AMD1: variants seen among roughly 807,000 people sequenced by gnomAD.
The protein encoded by AMD1 is S-adenosylmethionine decarboxylase proenzyme.
A neutral mutation model predicts 40.2 loss-of-function variants in AMD1; 11 were observed. The ratio of observed to expected loss-of-function variants is 0.27; its 90% CI spans 0.17 to 0.45. The LOEUF (loss-of-function observed/expected upper bound fraction) is 0.45. AMD1 is among the 20% of genes least tolerant of loss of function. The pLI is 1.00. For missense variants in AMD1, 257 were observed against 410.2 expected (o/e 0.63, Z 3.23); for synonymous variants, 121 against 130.8 (o/e 0.93, Z 0.51).
At chr6:110,890,930 T>A (rs1785981599) in intron 4 of AMD1, 1 of 152,234 alleles carries the variant, frequency 6.6e-6, no homozygotes. Context: ...TATTGCAAAT[T>A]ATGTATACAC....
intron 1 of AMD1, among the ~76,000 whole-genome samples, chr6:110,877,626 T>C (rs1409990947): frequency 6.6e-6 from 1 of 152,266 alleles, no homozygotes; most frequent in African/African-American, 2.4e-5. Context: ...TTTCCTCATC[T>C]GTAAAATGGA....
At position 110,893,872 on chromosome 6, in the gene AMD1, G is replaced by A; in HGVS notation, c.*256G>A. ...TTGCTGTGAAATTGAAGTGCATGTA[G>A]AAAAAACCTTTTACTATATGAAACT... On this transcript the variant is annotated 3_prime_UTR_variant, in exon 9 of 9. Transcript: ENST00000368885. 2.5e-6 allele frequency: 1 copy of A among 399,778 alleles called. No individual in the cohort carries two copies. The allele number at this position is 399,778 out of a possible 1,614,324, so 24.8% of individuals were successfully genotyped here. A position where few individuals can be genotyped will look rare whatever the true frequency, so the allele number is the denominator to read the frequency against.
At chr6:110,859,366 C>T in the AMD1 span, among the ~76,000 whole-genome samples, 8 of 152,028 alleles carry the variant, frequency 5.3e-5, no homozygotes, top group African/African-American at 1.9e-4. Context: ...AGCCGTATCC[C>T]CATACGTGTA....
intron 1 of AMD1, among the ~76,000 whole-genome samples, chr6:110,882,620 G>GATTT (rs1390042430): frequency 6.6e-6 from 1 of 152,052 alleles, no homozygotes; most frequent in African/African-American, 2.4e-5. Context: ...TTTGCCCTCT[G>GATTT]ATTTATTTTT....
At chr6:110,852,982 C>CTTTTTTTTTTTTTTTTTTTTT in the AMD1 span, among the ~76,000 whole-genome samples, 1 of 111,496 alleles carries the variant, frequency 9.0e-6, no homozygotes, top group South Asian at 2.9e-4. Flanking sequence ...TAATTAAGCA[C>CTTTTTTTTTTTTTTTTTTTTT]TTTTTTTTTT....
At chr6:110,830,255 C>A in the AMD1 span, among the ~76,000 whole-genome samples, 4 of 152,074 alleles carry the variant, frequency 2.6e-5, no homozygotes, top group Non-Finnish European at 5.9e-5. Context: ...ACCTCATGAT[C>A]CGCCCACCTG....
chr6:110,882,230 C>G (rs1158286313), intron 1 of AMD1, among the ~76,000 whole-genome samples: 1 of 152,204 alleles, frequency 6.6e-6, no homozygotes. Context: ...TTAAAAATGG[C>G]TCTGTCGACT....
chr6:110,877,122 C>T (rs1476412775), intron 1 of AMD1, among the ~76,000 whole-genome samples: 2 of 152,196 alleles, frequency 1.3e-5, no homozygotes, highest in East Asian at 1.9e-4. Context: ...CTTTTAAAAT[C>T]ATGGCCAAAG....
upstream of AMD1, among the ~76,000 whole-genome samples, chr6:110,872,865 A>G (rs1784942647): frequency 6.6e-6 from 1 of 152,242 alleles, no homozygotes; most frequent in South Asian, 2.1e-4. Context: ...AAGCAATTAT[A>G]AGCCAAATTA....
chr6:110,892,327 A>C lies in AMD1; in HGVS notation c.499A>C (p.Ser167Arg), dbSNP rs1222469347. Reference sequence around the variant, plus strand: ...CTTATATACTCTGGATTTCCCAGAGAGTCGGGTAATCAGTCAGCCAGATCA... The same window carrying C: ...CTTATATACTCTGGATTTCCCAGAGCGTCGGGTAATCAGTCAGCCAGATCA... The part of the protein sequence containing the change: ...WYLYTLDFPE[S>R]RVISQPDQTL... The change falls in exon 6 of 9, where the codon AGT becomes CGT. Residue 167 changes from serine to arginine, a missense_variant. Physicochemically the swap from Ser to Arg is moderately radical, Grantham distance 110. This residue lies in a region of AMD1 where 192 missense variants were observed against 296.5 expected (regional missense o/e 0.65). Coordinates refer to ENST00000368885, the MANE Select transcript of AMD1 (RefSeq NM_001634.6). The C allele has an allele frequency of 6.2e-7, 1 of 1,613,652 alleles. No individual in the cohort carries two copies. Among genetic ancestry groups the C allele is most frequent in the South Asian group, 1.1e-5 (1 of 91,060 alleles).
chr6:110,815,264 G>A, the AMD1 span: 3 of 1,076,696 alleles, frequency 2.8e-6, no homozygotes, highest in Admixed American at 4.3e-5. Context: ...CGCGCCGCCC[G>A]CCGCCCGCCG....
chr6:110,860,087 C>T, the AMD1 span, among the ~76,000 whole-genome samples: 351 of 152,172 alleles, frequency 2.3e-3, 11 homozygotes, highest in East Asian at 0.058. Flanking sequence ...TTGGCCTCCC[C>T]AAGTGCTGGA....
rs565494781 is a variant in AMD1, at chr6:110,895,518, A to G, written c.*1902A>G. 5.2e-5 allele frequency: 8 copies of G among 152,692 alleles called. No individual in the cohort carries two copies. In the East Asian group the frequency reaches 9.6e-4, roughly 18 times the overall value. The allele number at this position is 152,692 out of a possible 1,614,324, so 9.5% of individuals were successfully genotyped here. A position where few individuals can be genotyped will look rare whatever the true frequency, so the allele number is the denominator to read the frequency against. On this transcript the variant is annotated 3_prime_UTR_variant, in exon 9 of 9. Transcript: ENST00000368885. ...AATTCTAATGTTGAAAAACTGCACA[A>G]ATTTTTATGGGACAAAGCCTAGAAA...
At chr6:110,890,496 GGTTT>G (rs1785953483) in intron 4 of AMD1, 140 bp downstream of exon 4, 2 of 650,778 alleles carry the variant, frequency 3.1e-6, no homozygotes, top group Non-Finnish European at 5.2e-6. Flanking sequence ...TGGGTTTTTT[GGTTT>G]GTTTTAGACA....
At chr6:110,865,012 T>G in the AMD1 span, among the ~76,000 whole-genome samples, 1 of 152,174 alleles carries the variant, frequency 6.6e-6, no homozygotes, top group Non-Finnish European at 1.5e-5. Flanking sequence ...CGAATACAAA[T>G]GCCATAAAGC....
At chr6:110,852,708 T>C in the AMD1 span, among the ~76,000 whole-genome samples, 1 of 152,208 alleles carries the variant, frequency 6.6e-6, no homozygotes, top group Non-Finnish European at 1.5e-5. Context: ...TCTCCATACT[T>C]TTCCATTTTT....
At chr6:110,876,107 C>G (rs1226598611) in intron 1 of AMD1, among the ~76,000 whole-genome samples, 2 of 152,232 alleles carry the variant, frequency 1.3e-5, no homozygotes, top group Non-Finnish European at 2.9e-5. Flanking sequence ...GGGCCCACTC[C>G]CACTGCGGGC....
At chr6:110,880,090 G>A (rs1402151780) in intron 1 of AMD1, among the ~76,000 whole-genome samples, 1 of 152,076 alleles carries the variant, frequency 6.6e-6, no homozygotes, top group East Asian at 1.9e-4. Flanking sequence ...CTAATAGTGG[G>A]TACTACAGGT....
the AMD1 span, among the ~76,000 whole-genome samples, chr6:110,838,322 G>T: frequency 6.7e-6 from 1 of 149,674 alleles, no homozygotes; most frequent in Non-Finnish European, 1.5e-5. Flanking sequence ...CCAGGAGGTA[G>T]AGGTTGCAGT....
Sources: allele counts gnomAD v4.1 joint callset (sites outside exome capture counted in the v4.1 genomes callset), GRCh38; gene constraint gnomAD v4.1.1; regional missense constraint gnomAD v4.1.1; transcripts MANE v1.5; gene names NCBI Gene and HGNC (gene_info 2026-07-23, HGNC 2026-07-21).